Variants in GRB10 observed in about 807,000 individuals in gnomAD.
GRB10 encodes the protein growth factor receptor-bound protein 10.
GRB10 carries 20 observed loss-of-function variants against 80.9 expected under a neutral mutation model. That is an observed-to-expected ratio of 0.25 (90% CI 0.17 to 0.36). GRB10 has a LOEUF of 0.36. Among genes scored for constraint, GRB10 ranks in the 10% least tolerant of loss-of-function variants. The probability of loss-of-function intolerance (pLI) is 1.00; values close to 1 mark genes in which losing one functional copy is unlikely to be tolerated. For synonymous variants in GRB10, 291 were observed against 291.5 expected (o/e 1.00, Z 0.02); for missense variants, 548 against 747.7 (o/e 0.73, Z 3.12).
intron 1 of GRB10, among the ~76,000 whole-genome samples, chr7:50,788,779 C>G (rs886749016): frequency 6.6e-6 from 1 of 152,200 alleles, no homozygotes; most frequent in Non-Finnish European, 1.5e-5. Context: ...ATCAGCCTGA[C>G]CAGGATAAGC....
At chr7:50,653,869 T>C (rs1193241680) in intron 7 of GRB10, among the ~76,000 whole-genome samples, 1 of 152,224 alleles carries the variant, frequency 6.6e-6, no homozygotes, top group Non-Finnish European at 1.5e-5. Context: ...GGGCTCACAA[T>C]GATAACAAGA....
chr7:50,731,374 A>G (rs1460958696), intron 4 of GRB10, among the ~76,000 whole-genome samples: 2 of 152,074 alleles, frequency 1.3e-5, no homozygotes, highest in Non-Finnish European at 2.9e-5. Context: ...ATTTCTCATC[A>G]CAGTAGCTAA....
In GRB10 at chr7:50,789,466, T is replaced by C. The variant is rs569296381; in HGVS notation, c.-294+3758A>G. On this transcript the variant is annotated intron_variant, in intron 1 of 16. Coordinates refer to the GRB10 transcript ENST00000335866. ...ATTTTAACGGATCAAGTTGGTTCAC[T>C]TGTTCAGCCTGGCCAAACTAGTAAG... Among the ~76,000 whole-genome samples, 6 of 152,340 alleles carry C rather than the reference T, an allele frequency of 3.9e-5. No individual in the cohort carries two copies. In the South Asian group the frequency reaches 1.2e-3, roughly 32 times the overall value.
intron 4 of GRB10, among the ~76,000 whole-genome samples, chr7:50,717,321 C>T (rs1175519170): frequency 6.6e-6 from 1 of 152,234 alleles, no homozygotes; most frequent in East Asian, 1.9e-4. Context: ...CTGGTTACTG[C>T]TCCAGCTTCA....
chr7:50,648,140 G>A (rs1206676578), intron 7 of GRB10, among the ~76,000 whole-genome samples: 1 of 152,112 alleles, frequency 6.6e-6, no homozygotes, highest in African/African-American at 2.4e-5. Flanking sequence ...CAGGGAGGGA[G>A]CGCAGAGAGG....
intron 5 of GRB10, among the ~76,000 whole-genome samples, chr7:50,681,897 T>G (rs1373648956): frequency 6.6e-6 from 1 of 152,254 alleles, no homozygotes; most frequent in Admixed American, 6.5e-5. Flanking sequence ...CAGCCAGGGC[T>G]GCCAACCTAA....
chr7:50,699,093 T>C (rs137990144), intron 5 of GRB10, among the ~76,000 whole-genome samples: 8 of 152,348 alleles, frequency 5.3e-5, no homozygotes, highest in Non-Finnish European at 7.4e-5. Flanking sequence ...TTTCTTGGCA[T>C]ACAGGAGTAC....
At chr7:50,742,265 GCGCGCGCA>G (rs2071944289) in intron 3 of GRB10, among the ~76,000 whole-genome samples, 24 of 138,812 alleles carry the variant, frequency 1.7e-4, no homozygotes, top group African/African-American at 6.6e-4. Flanking sequence ...ACGCGCACGC[GCGCGCGCA>G]CACACACACA....
At chr7:50,629,680 A>G (rs1034238981) in intron 7 of GRB10, among the ~76,000 whole-genome samples, 1 of 152,238 alleles carries the variant, frequency 6.6e-6, no homozygotes, top group African/African-American at 2.4e-5. Context: ...TGTAAGGAAC[A>G]CAAGAGGTAC....
At chr7:50,788,953 G>A (rs921203888) in intron 1 of GRB10, among the ~76,000 whole-genome samples, 3 of 152,172 alleles carry the variant, frequency 2.0e-5, no homozygotes. Flanking sequence ...CGCACTGCAG[G>A]GGTCTTCACA....
chr7:50,648,403 C>T (rs562240607), intron 7 of GRB10, among the ~76,000 whole-genome samples: 3 of 152,226 alleles, frequency 2.0e-5, no homozygotes, highest in East Asian at 1.9e-4. Flanking sequence ...GCTGCTGGAA[C>T]GTTTTTAAAA....
At chr7:50,655,772 C>T (rs112944059) in intron 7 of GRB10, among the ~76,000 whole-genome samples, 3,413 of 152,292 alleles carry the variant, frequency 0.022, 140 homozygotes, top group African/African-American at 0.078. Context: ...GCTTCCTAGG[C>T]GCTGCCTCCT....
chr7:50,722,098 C>T (rs1012260263), intron 4 of GRB10, among the ~76,000 whole-genome samples: 2 of 152,180 alleles, frequency 1.3e-5, no homozygotes, highest in African/African-American at 2.4e-5. Context: ...TCTCCTGTCT[C>T]TCCTGCACCC....
chr7:50,617,927 CA>C (rs1344725711), intron 10 of GRB10, 143 bp downstream of exon 10: 31 of 758,564 alleles, frequency 4.1e-5, no homozygotes, highest in Admixed American at 6.0e-5. Context: ...ACCCTCCCCC[CA>C]ACCACCCCTC....
intron 4 of GRB10, among the ~76,000 whole-genome samples, chr7:50,728,179 A>C (rs1288034298): frequency 6.7e-6 from 1 of 149,550 alleles, no homozygotes. Flanking sequence ...TCTTAAAGAA[A>C]ATGTAGTCTA....
intron 7 of GRB10, among the ~76,000 whole-genome samples, chr7:50,639,629 C>A (rs572555189): frequency 1.5e-3 from 231 of 151,578 alleles, no homozygotes; most frequent in Non-Finnish European, 2.7e-3. Context: ...GCCGAGATTG[C>A]GCCACTGCAC....
intron 5 of GRB10, among the ~76,000 whole-genome samples, chr7:50,680,642 G>A (rs1264190534): frequency 6.6e-6 from 1 of 152,144 alleles, no homozygotes; most frequent in East Asian, 1.9e-4. Context: ...TTCAAAGTTT[G>A]TGATGACATA....
rs575163188 is a variant in GRB10 at position 50,710,947 on chromosome 7, G to A, written c.52-7039C>T. On this transcript the variant is annotated intron_variant, in intron 4 of 18. Coordinates refer to ENST00000401949, the MANE Select transcript of GRB10 (RefSeq NM_001350814.2). ...TCCCTCTCTCTACAGTGGGTATCACGTGGCTGTGTCCTCAGCCTGCCCTGT... is the reference window on the plus strand; with the variant it reads ...TCCCTCTCTCTACAGTGGGTATCACATGGCTGTGTCCTCAGCCTGCCCTGT... 4.5e-5 allele frequency: 72 copies of A among 1,591,196 alleles called. 1 individual carries two copies. In the South Asian group the frequency reaches 4.7e-4, roughly 10 times the overall value.
intron 7 of GRB10, among the ~76,000 whole-genome samples, chr7:50,639,882 G>A (rs993717750): frequency 5.3e-5 from 8 of 152,130 alleles, no homozygotes; most frequent in African/African-American, 1.9e-4. Context: ...AAATGGATAT[G>A]CATAGCCTGT....
Sources: allele counts gnomAD v4.1 joint callset (sites outside exome capture counted in the v4.1 genomes callset), GRCh38; gene constraint gnomAD v4.1.1; transcripts MANE v1.5; gene names NCBI Gene and HGNC (gene_info 2026-07-23, HGNC 2026-07-21).